Variants in LCMT1 observed in about 807,000 individuals in gnomAD.
The protein encoded by LCMT1 is [Phosphatase 2A protein]-leucine-carboxy methyltransferase 1.
A neutral mutation model predicts 47.7 loss-of-function variants in LCMT1; 32 were observed. The ratio of observed to expected loss-of-function variants is 0.67; its 90% CI spans 0.51 to 0.90. The LOEUF (loss-of-function observed/expected upper bound fraction) is 0.90, where lower values mean the gene tolerates loss of function less well. LCMT1 is among the 40% of genes least tolerant of loss of function. The probability of loss-of-function intolerance (pLI) is 0.00; values close to 1 mark genes in which losing one functional copy is unlikely to be tolerated. For missense variants in LCMT1, 375 were observed against 415.2 expected (o/e 0.90, Z 0.84); for synonymous variants, 152 against 149.7 (o/e 1.02, Z -0.11).
At chr16:25,129,641 G>C (rs1388607630) in intron 2 of LCMT1, among the ~76,000 whole-genome samples, 1 of 152,224 alleles carries the variant, frequency 6.6e-6, no homozygotes. Context: ...TTATAGTACA[G>C]GTATGAGGAG....
intron 7 of LCMT1, among the ~76,000 whole-genome samples, chr16:25,168,221 G>T (rs1225835566): frequency 6.6e-6 from 1 of 151,402 alleles, no homozygotes; most frequent in Non-Finnish European, 1.5e-5. Context: ...GCTGATTTTT[G>T]TATTTTTAGT....
At chr16:25,119,514 G>T (rs1959902889) in intron 1 of LCMT1, among the ~76,000 whole-genome samples, 2 of 151,988 alleles carry the variant, frequency 1.3e-5, no homozygotes, top group African/African-American at 4.8e-5. Context: ...TTAACGTTCT[G>T]GTTTTCTATT....
chr16:25,112,445 C>T (rs1959651305), intron 1 of LCMT1, among the ~76,000 whole-genome samples: 1 of 152,200 alleles, frequency 6.6e-6, no homozygotes, highest in East Asian at 1.9e-4. Flanking sequence ...ATAACCCACC[C>T]AGAGCCAAGT....
intron 9 of LCMT1, among the ~76,000 whole-genome samples, chr16:25,173,841 GGC>G (rs1472999338): frequency 7.9e-5 from 12 of 151,610 alleles, no homozygotes; most frequent in African/African-American, 2.9e-4. Flanking sequence ...CACTGCTCCT[GGC>G]AAACAGAAAC....
At chr16:25,122,632 G>C (rs765471428) in intron 1 of LCMT1, among the ~76,000 whole-genome samples, 43 of 151,490 alleles carry the variant, frequency 2.8e-4, no homozygotes, top group Non-Finnish European at 5.0e-4. Flanking sequence ...TCCAGCCCTT[G>C]TTATTTCCTG....
intron 5 of LCMT1, among the ~76,000 whole-genome samples, chr16:25,155,063 G>A (rs755120401): frequency 1.3e-5 from 2 of 152,150 alleles, no homozygotes; most frequent in Non-Finnish European, 2.9e-5. Flanking sequence ...TTGACAGTGA[G>A]AATCACCATT....
At chr16:25,131,154 T>C (rs1549851) in intron 2 of LCMT1, among the ~76,000 whole-genome samples, 116,569 of 152,230 alleles carry the variant, frequency 0.77, 44,725 homozygotes, top group Middle Eastern at 0.79. Flanking sequence ...GAATCTTGGC[T>C]CTCAAGTTGG....
chr16:25,126,370 G>A (rs771855596), intron 1 of LCMT1, among the ~76,000 whole-genome samples: 83 of 152,388 alleles, frequency 5.4e-4, no homozygotes, highest in East Asian at 1.9e-3. Context: ...CTGTACTGGA[G>A]GCTCAGGTGT....
At chr16:25,128,629 T>C (rs1326237637) in intron 2 of LCMT1, 63 bp downstream of exon 2, 1 of 1,276,550 alleles carries the variant, frequency 7.8e-7, no homozygotes, top group Admixed American at 2.0e-5. Flanking sequence ...AGGGGTTCAT[T>C]CTTGAAGGAA....
rs1961407606 is a variant in LCMT1 at position 25,160,870 on chromosome 16, TG to T, written c.467-231del. On this transcript the variant is annotated intron_variant, in intron 5 of 10. Transcript: ENST00000399069. ...ATGTGCATGAGAGGGGATGTGTTTT[TG>T]TTGTGTATAATAACTTAAGCACATA... The T allele has an allele frequency of 1.1e-5, 7 of 629,916 alleles. No homozygotes were observed. In the Admixed American group the frequency reaches 1.5e-4, roughly 13 times the overall value. 39.0% of individuals were successfully genotyped at this position (629,916 alleles called of 1,614,324 possible). A position where few individuals can be genotyped will look rare whatever the true frequency, so the allele number is the denominator to read the frequency against.
At chr16:25,112,647 T>A (rs1047494838) in intron 1 of LCMT1, among the ~76,000 whole-genome samples, 2 of 151,996 alleles carry the variant, frequency 1.3e-5, no homozygotes, top group African/African-American at 4.8e-5. Flanking sequence ...TACTTTGCAG[T>A]GGTTAGTAGG....
intron 1 of LCMT1, among the ~76,000 whole-genome samples, chr16:25,113,782 C>T (rs758022583): frequency 5.1e-4 from 77 of 152,152 alleles, no homozygotes; most frequent in Non-Finnish European, 9.6e-4. Flanking sequence ...ATCACAGGCA[C>T]ACACCACCAT....
chr16:25,152,349 G>A (rs955579284), intron 5 of LCMT1, among the ~76,000 whole-genome samples: 5 of 152,170 alleles, frequency 3.3e-5, no homozygotes, highest in East Asian at 1.9e-4. Flanking sequence ...CCATCCTGAC[G>A]TGGCCAAGAA....
chr16:25,171,390 C>T (rs949722158), intron 9 of LCMT1, among the ~76,000 whole-genome samples: 14 of 151,720 alleles, frequency 9.2e-5, no homozygotes, highest in African/African-American at 2.4e-4. Context: ...CCAGCCTGTG[C>T]GACAGAGCAA....
At chr16:25,176,550 C>CTTTTTTT (rs1170373745) in intron 10 of LCMT1, among the ~76,000 whole-genome samples, 17 of 44,268 alleles carry the variant, frequency 3.8e-4, no homozygotes, top group East Asian at 9.7e-4. Context: ...TTTTTTTTGG[C>CTTTTTTT]TTTTTTTTTT....
At chr16:25,159,473 C>G (rs982486926) in intron 5 of LCMT1, among the ~76,000 whole-genome samples, 1 of 152,158 alleles carries the variant, frequency 6.6e-6, no homozygotes, top group African/African-American at 2.4e-5. Context: ...TGCTGTGTTG[C>G]CCAGGGTGGT....
At chr16:25,119,660 A>G (rs988632497) in intron 1 of LCMT1, among the ~76,000 whole-genome samples, 3 of 152,084 alleles carry the variant, frequency 2.0e-5, no homozygotes, top group African/African-American at 7.2e-5. Flanking sequence ...AGCAGGTCAC[A>G]AGGTCTCTCC....
intron 3 of LCMT1, among the ~76,000 whole-genome samples, chr16:25,132,879 C>T (rs1960395166): frequency 7.2e-6 from 1 of 139,778 alleles, no homozygotes; most frequent in South Asian, 2.1e-4. Flanking sequence ...TTTTTTTGAG[C>T]CAGAGTCTTG....
intron 10 of LCMT1, among the ~76,000 whole-genome samples, chr16:25,175,915 A>G (rs940567226): frequency 6.6e-6 from 1 of 152,156 alleles, no homozygotes; most frequent in Non-Finnish European, 1.5e-5. Flanking sequence ...CCCTTGAGAG[A>G]TGTACTGTGG....
Sources: allele counts gnomAD v4.1 joint callset (sites outside exome capture counted in the v4.1 genomes callset), GRCh38; gene constraint gnomAD v4.1.1; transcripts MANE v1.5; gene names NCBI Gene and HGNC (gene_info 2026-07-23, HGNC 2026-07-21).